The following LACC1 variants were observed in gnomAD, a reference collection of about 807,000 sequenced individuals.
The protein encoded by LACC1 is laccase domain multifunctional purine nucleosidase 1, also known as purine nucleoside phosphorylase LACC1.
Under a neutral mutation model 34.8 loss-of-function variants are expected in LACC1, and 25 were observed. The ratio of observed to expected loss-of-function variants is 0.72; its 90% confidence interval spans 0.52 to 1.00. The LOEUF (loss-of-function observed/expected upper bound fraction) is 1.00. LACC1 is among the 50% of genes least tolerant of loss of function. The probability of loss-of-function intolerance (pLI) is 0.00; values close to 1 mark genes in which losing one functional copy is unlikely to be tolerated. For synonymous variants in LACC1, 162 were observed against 168.0 expected (o/e 0.96, Z 0.28); for missense variants, 426 against 511.2 (o/e 0.83, Z 1.61).
Position 43,881,515 on chromosome 13 carries a change from A to G in LACC1, c.530A>G (p.Lys177Arg). ...FLRSLPALRG[K>R]LTIITSSLIP... ...AGAAGTCTGCCAGCACTGAGAGGAA[A>G]ATTAACTATTATCACTTCTTCTTTG... is the stretch of plus-strand genomic sequence containing the variant. The change falls in exon 2 of 7, where the codon AAA becomes AGA. Residue 177 changes from lysine to arginine, a missense_variant. Lys to Arg is a conservative substitution (Grantham distance 26). This residue lies in a region of LACC1 where 217 missense variants were observed against 210.9 expected (regional missense o/e 1.03). Transcript: ENST00000325686. The G allele has an allele frequency of 6.2e-7, 1 of 1,608,574 alleles. No individual in the cohort carries two copies. Among genetic ancestry groups the G allele is most frequent in the Non-Finnish European group, 8.5e-7 (1 of 1,178,394 alleles).
intron 6 of LACC1, among the ~76,000 whole-genome samples, chr13:43,890,981 A>G (rs60238710): frequency 0.046 from 7,019 of 152,288 alleles, 334 homozygotes; most frequent in African/African-American, 0.11. Flanking sequence ...CGAGGGAGCC[A>G]GGCACAGTGG....
Position 43,888,944 on chromosome 13 carries a change from T to G in LACC1, c.1095T>G (p.Asp365Glu). The G allele has an allele frequency of 6.2e-7, 1 of 1,613,858 alleles. No individual in the cohort carries two copies. ...NLHPACVQLF[D>E]SPNPCIDIRK... Reference sequence around the variant, plus strand: ...ATCCTGCATGTGTACAACTATTTGATTCACCAAATCCCTGTATCGACATCC... The same window carrying G: ...ATCCTGCATGTGTACAACTATTTGAGTCACCAAATCCCTGTATCGACATCC... The change falls in exon 5 of 7, where the codon GAT (aspartate) becomes GAG (glutamate). Residue 365 changes from aspartate to glutamate, a missense_variant. This residue lies in a region of LACC1 where 209 missense variants were observed against 300.3 expected (regional missense o/e 0.70). Transcript: ENST00000325686.
intron 2 of LACC1, 59 bp downstream of exon 2, chr13:43,881,606 G>A (rs1006769311): frequency 5.4e-5 from 70 of 1,289,230 alleles, no homozygotes; most frequent in Non-Finnish European, 6.9e-5. Flanking sequence ...TCTTTCTTCA[G>A]AGGTAGTTCA....
At chr13:43,885,538 A>C (rs970195647) in intron 4 of LACC1, among the ~76,000 whole-genome samples, 2 of 152,228 alleles carry the variant, frequency 1.3e-5, no homozygotes, top group African/African-American at 4.8e-5. Flanking sequence ...TGGTGCTGGC[A>C]TAACTGGCTA....
At chr13:43,890,083 T>A (rs1955506269) in intron 5 of LACC1, 31 bp from the exon 6 acceptor site, 1 of 1,579,958 alleles carries the variant, frequency 6.3e-7, no homozygotes, top group Non-Finnish European at 8.6e-7. Flanking sequence ...AAATAAACTC[T>A]TGCTCTCTTT....
chr13:43,883,786 G>C lies in LACC1; in HGVS notation c.757G>C (p.Asp253His), dbSNP rs572703071. 6.2e-7 allele frequency: 1 copy of C among 1,609,106 alleles called. No individual in the cohort carries two copies. The highest frequency in any genetic ancestry group is 1.1e-5 in the South Asian group (1 of 90,248). ...FYRIKTHHSN[D>H]IWIMGRKEPD... ...TTGGTATTAGACTCATCATTCCAATGACATCTGGATTATGGGAAGAAAGGA... is the reference window on the plus strand; with the variant it reads ...TTGGTATTAGACTCATCATTCCAATCACATCTGGATTATGGGAAGAAAGGA... Residue 253 changes from aspartate to histidine, a missense_variant, in exon 4 of 7, where the codon GAC becomes CAC. Asp to His is a moderately conservative substitution (Grantham distance 81). Transcript: ENST00000325686.
At chr13:43,880,847 A>G (rs1223840214) in intron 1 of LACC1, 105 bp from the exon 2 acceptor site, 1 of 727,178 alleles carries the variant, frequency 1.4e-6, no homozygotes, top group Non-Finnish European at 2.2e-6. Flanking sequence ...TTTTAGTTAC[A>G]TTTTAAAATC....
chr13:43,883,760 T>G lies in LACC1; in HGVS notation c.742-11T>G. The G allele has an allele frequency of 6.3e-7, 1 of 1,575,810 alleles. No individual in the cohort carries two copies. The highest frequency in any genetic ancestry group is 8.6e-7 in the Non-Finnish European group (1 of 1,159,086). On this transcript the variant is annotated splice_polypyrimidine_tract_variant and intron_variant, in intron 3 of 6. Coordinates refer to ENST00000325686, the MANE Select transcript of LACC1 (RefSeq NM_153218.4). ...TTCCAAAACATTTTTGTTGCACATT[T>G]TTGGTATTAGACTCATCATTCCAAT...
chr13:43,885,688 T>C (rs919561672), intron 4 of LACC1, among the ~76,000 whole-genome samples: 3 of 152,186 alleles, frequency 2.0e-5, no homozygotes, highest in Non-Finnish European at 4.4e-5. Flanking sequence ...ATTCTGGACA[T>C]AGGCATAGGC....
chr13:43,890,000 C>A, intron 5 of LACC1, 114 bp from the exon 6 acceptor site: 4 of 809,060 alleles, frequency 4.9e-6, no homozygotes, highest in South Asian at 1.8e-5. Flanking sequence ...ATACATTGTT[C>A]TAGGTACATC....
rs1212989680 is a variant in LACC1 at position 43,892,327 on chromosome 13, G to A, written c.*880G>A. 3 of 151,724 alleles carry A rather than the reference G, an allele frequency of 2.0e-5. No homozygotes were observed. Among genetic ancestry groups the A allele is most frequent in the African/African-American group, 7.3e-5 (3 of 41,330 alleles). The allele number at this position is 151,724 out of a possible 1,614,324, so 9.4% of individuals were successfully genotyped here. On this transcript the variant is annotated 3_prime_UTR_variant, in exon 7 of 7. Transcript: ENST00000325686. ...CAAAAAGAAATAATGAAGATCCAATGAAGGAAGTGGAAATTAAAATAGGGA... is the reference window on the plus strand; with the variant it reads ...CAAAAAGAAATAATGAAGATCCAATAAAGGAAGTGGAAATTAAAATAGGGA...
Position 43,892,535 on chromosome 13 carries a change from AT to A in LACC1, c.*1089del, listed in dbSNP as rs1334234473. ...AGGTTTGGAAAAAGAGAGAAGGATA[AT>A]GAGTTTGACTTTACATAGAATGAAG... On this transcript the variant is annotated 3_prime_UTR_variant, in exon 7 of 7. Coordinates refer to ENST00000325686, the MANE Select transcript of LACC1 (RefSeq NM_153218.4). 6.6e-6 allele frequency: 1 copy of A among 152,028 alleles called. No individual in the cohort carries two copies. The highest frequency in any genetic ancestry group is 1.5e-5 in the Non-Finnish European group (1 of 67,988). 9.4% of individuals were successfully genotyped at this position (152,028 alleles called of 1,614,324 possible). A position where few individuals can be genotyped will look rare whatever the true frequency, so the allele number is the denominator to read the frequency against.
chr13:43,890,302 GT>G, intron 6 of LACC1, 28 bp downstream of exon 6: 2 of 1,574,330 alleles, frequency 1.3e-6, no homozygotes, highest in Middle Eastern at 1.7e-4. Flanking sequence ...TCCTCTCTCC[GT>G]TTTTCCTCTC....
rs1954993645 is a variant in LACC1 at position 43,881,001 on chromosome 13, T to G, written c.16T>G (p.Leu6Val). The change falls in exon 2 of 7, where the codon TTG becomes GTG. Residue 6 changes from leucine to valine, a missense_variant. Around this residue, in one of 2 missense-constraint regions of LACC1, gnomAD observed 217 missense variants for 210.9 expected, o/e 1.03. Transcript: ENST00000325686. ...TCTTTCAAGGATGGCAGAAGCTGTT[T>G]TGATTGATCTTTTTGGTTTGAAATT... MAEAV[L>V]IDLFGLKLNS... The G allele has an allele frequency of 6.2e-7, 1 of 1,613,026 alleles. No individual in the cohort carries two copies.
At chr13:43,882,758 A>G (rs1237855900) in intron 3 of LACC1, among the ~76,000 whole-genome samples, 2 of 152,186 alleles carry the variant, frequency 1.3e-5, no homozygotes, top group African/African-American at 4.8e-5. Flanking sequence ...ACTTCTAAAT[A>G]AAGACCAACA....
rs776790312 is a variant in LACC1, at chr13:43,881,021, G to C, written c.36G>C (p.Leu12Phe). The part of the protein sequence containing the change: ...AEAVLIDLFG[L>F]KLNSQKNCHQ... The stretch of plus-strand genomic sequence containing the variant: ...CTGTTTTGATTGATCTTTTTGGTTT[G>C]AAATTGAACTCTCAAAAAAACTGCC... Residue 12 changes from leucine (L) to phenylalanine (F), a missense_variant, in exon 2 of 7, where the codon TTG (leucine) becomes TTC (phenylalanine). Physicochemically the swap from Leu to Phe is conservative, Grantham distance 22 (BLOSUM62 0). Transcript: ENST00000325686. 1.2e-6 allele frequency: 2 copies of C among 1,613,572 alleles called. No homozygotes were observed. Among genetic ancestry groups the C allele is most frequent in the Admixed American group, 3.3e-5 (2 of 59,898 alleles).
In LACC1 at chr13:43,880,972, G is replaced by A. The variant is rs749948778; in HGVS notation, c.-14G>A. ...TGCAGGTGATTTATTTGGCATAAAA[G>A]TATTCTTTCAAGGATGGCAGAAGCT... is the stretch of plus-strand genomic sequence containing the variant. On this transcript the variant is annotated 5_prime_UTR_variant, in exon 2 of 7. Coordinates refer to ENST00000325686, the MANE Select transcript of LACC1 (RefSeq NM_153218.4). 1.9e-6 allele frequency: 3 copies of A among 1,598,092 alleles called. No individual in the cohort carries two copies. Among genetic ancestry groups the A allele is most frequent in the African/African-American group, 2.7e-5 (2 of 73,996 alleles).
intron 1 of LACC1, among the ~76,000 whole-genome samples, 163 bp downstream of exon 1, chr13:43,880,282 T>G (rs939808629): frequency 6.7e-6 from 1 of 148,686 alleles, no homozygotes; most frequent in African/African-American, 2.5e-5. Flanking sequence ...GAAAACCTTC[T>G]TGGGGCAAAG....
chr13:43,883,763 G>C lies in LACC1; in HGVS notation c.742-8G>C. The C allele has an allele frequency of 1.3e-6, 2 of 1,574,308 alleles. No homozygotes were observed. Among genetic ancestry groups the C allele is most frequent in the Non-Finnish European group, 1.7e-6 (2 of 1,158,492 alleles). On this transcript the variant is annotated splice_polypyrimidine_tract_variant and splice_region_variant and intron_variant, in intron 3 of 6. Transcript: ENST00000325686. ...CAAAACATTTTTGTTGCACATTTTTGGTATTAGACTCATCATTCCAATGAC... is the reference window on the plus strand; with the variant it reads ...CAAAACATTTTTGTTGCACATTTTTCGTATTAGACTCATCATTCCAATGAC...
Sources: gnomAD v4.1 joint callset for allele counts (sites outside exome capture counted in the v4.1 genomes callset) on GRCh38, gnomAD v4.1.1 for gene constraint, gnomAD v4.1.1 regional missense constraint, MANE v1.5 for transcripts, NCBI Gene and HGNC (gene_info 2026-07-23, HGNC 2026-07-21) for gene names.